The following MTARC1 variants were observed in gnomAD, a reference collection of about 807,000 sequenced individuals.
MTARC1 encodes mitochondrial amidoxime-reducing component 1.
A neutral mutation model predicts 33.6 loss-of-function variants in MTARC1; 24 were observed. The ratio of observed to expected loss-of-function variants is 0.72; its 90% CI spans 0.52 to 1.01. MTARC1 has a LOEUF of 1.01. MTARC1 is among the 50% of genes least tolerant of loss of function. The probability of loss-of-function intolerance (pLI) is 0.00; values close to 1 mark genes in which losing one functional copy is unlikely to be tolerated. For synonymous variants in MTARC1, 187 were observed against 189.5 expected (o/e 0.99, Z 0.11); for missense variants, 417 against 445.7 (o/e 0.94, Z 0.58).
At chr1:220,787,557 T>G (rs7526107) in intron 1 of MTARC1, among the ~76,000 whole-genome samples, 2,847 of 152,194 alleles carry the variant, frequency 0.019, 89 homozygotes, top group African/African-American at 0.065. Flanking sequence ...CTCCATTTAG[T>G]GGAGGCGGCT....
intron 1 of MTARC1, 131 bp downstream of exon 1, chr1:220,787,350 T>G: frequency 1.5e-6 from 2 of 1,335,604 alleles, no homozygotes; most frequent in Non-Finnish European, 1.9e-6. Context: ...AACTGGGAGT[T>G]GGGTGAGACA....
At position 220,813,419 on chromosome 1, in the gene MTARC1, T is replaced by A. The variant is rs1233361644; in HGVS notation, c.*1T>A. 4 of 1,614,040 alleles carry A rather than the reference T, an allele frequency of 2.5e-6. No homozygotes were observed. The highest frequency in any genetic ancestry group is 3.4e-6 in the Non-Finnish European group (4 of 1,180,012). On this transcript the variant is annotated 3_prime_UTR_variant, in exon 7 of 7. Transcript: ENST00000366910. ...CCCTGTGTACCTGCTGGGCCAGTAA[T>A]GGGAACCGTATGTCCTGGAATATTA...
intron 2 of MTARC1, among the ~76,000 whole-genome samples, chr1:220,795,976 C>T (rs1874123): frequency 0.02 from 3,011 of 152,232 alleles, 47 homozygotes; most frequent in East Asian, 0.06. Flanking sequence ...TACACCATAG[C>T]ATTTATTTTC....
intron 2 of MTARC1, among the ~76,000 whole-genome samples, chr1:220,793,035 G>A (rs1026151591): frequency 2.0e-5 from 3 of 152,134 alleles, no homozygotes; most frequent in East Asian, 1.9e-4. Context: ...CAGTGGTTTT[G>A]CTTGAAATAA....
At chr1:220,790,127 C>T (rs1023109998) in intron 1 of MTARC1, among the ~76,000 whole-genome samples, 5 of 152,188 alleles carry the variant, frequency 3.3e-5, no homozygotes, top group Admixed American at 1.3e-4. Flanking sequence ...TTGATTAAAG[C>T]TGCAATAAAC....
At chr1:220,808,988 AAC>A in intron 6 of MTARC1, 1 of 452,030 alleles carries the variant, frequency 2.2e-6, no homozygotes, top group Non-Finnish European at 4.5e-6. Flanking sequence ...CAAAAAAAAA[AAC>A]GTTTTGCTGG....
At chr1:220,801,319 C>T (rs1019790599) in intron 4 of MTARC1, among the ~76,000 whole-genome samples, 2 of 151,590 alleles carry the variant, frequency 1.3e-5, no homozygotes, top group Admixed American at 6.6e-5. Flanking sequence ...TCCCCTGCTG[C>T]GGGCTTCACT....
At chr1:220,803,753 T>C (rs1672885868) in intron 4 of MTARC1, among the ~76,000 whole-genome samples, 1 of 152,174 alleles carries the variant, frequency 6.6e-6, no homozygotes, top group Non-Finnish European at 1.5e-5. Context: ...AATAACTTAA[T>C]TTCCTAAGTG....
intron 6 of MTARC1, among the ~76,000 whole-genome samples, chr1:220,807,497 C>A (rs1673005631): frequency 1.3e-5 from 2 of 152,142 alleles, no homozygotes; most frequent in Admixed American, 1.3e-4. Context: ...GTAGGAGAAT[C>A]CTTTGAATCC....
rs1401367752 is a variant in MTARC1 at position 220,797,891 on chromosome 1, C to T, written c.630C>T (p.Thr210=). The change falls in exon 4 of 7, where the codon ACC becomes ACT. Residue 210 remains threonine, a synonymous_variant. Transcript: ENST00000366910. ...RPKDQIAYSD[T]SPFLILSEAS... is the part of the protein sequence containing the mutation. ...CTTATCAGATTGCTTACTCAGACACCAGCCCATTCTTGATCCTTTCTGAGG... is the reference window on the plus strand; with the variant it reads ...CTTATCAGATTGCTTACTCAGACACTAGCCCATTCTTGATCCTTTCTGAGG... 2 of 1,614,152 alleles carry T rather than the reference C, an allele frequency of 1.2e-6. No individual in the cohort carries two copies. The highest frequency in any genetic ancestry group is 1.7e-6 in the Non-Finnish European group (2 of 1,180,022).
At chr1:220,805,792 G>T (rs72472338) in intron 6 of MTARC1, among the ~76,000 whole-genome samples, 4,822 of 151,966 alleles carry the variant, frequency 0.032, 224 homozygotes, top group African/African-American at 0.11. Flanking sequence ...AATTACGTGG[G>T]GTTTATTGCA....
intron 6 of MTARC1, among the ~76,000 whole-genome samples, chr1:220,806,870 G>T (rs1296204639): frequency 6.6e-6 from 1 of 152,218 alleles, no homozygotes; most frequent in Non-Finnish European, 1.5e-5. Flanking sequence ...AAGTCAAACA[G>T]GGTGGGTGGA....
At chr1:220,798,214 A>G (rs1451935933) in intron 4 of MTARC1, 200 bp downstream of exon 4, 2 of 1,506,480 alleles carry the variant, frequency 1.3e-6, no homozygotes, top group Admixed American at 2.0e-5. Context: ...GATGGGTCAG[A>G]GACTGTCATC....
intron 6 of MTARC1, among the ~76,000 whole-genome samples, chr1:220,805,795 T>A (rs1672953319): frequency 6.6e-6 from 1 of 152,230 alleles, no homozygotes; most frequent in South Asian, 2.1e-4. Flanking sequence ...TACGTGGGGT[T>A]TATTGCACTA....
At chr1:220,796,585 A>G in intron 2 of MTARC1, 58 bp from the exon 3 acceptor site, 2 of 1,506,084 alleles carry the variant, frequency 1.3e-6, no homozygotes, top group Non-Finnish European at 8.8e-7. Context: ...GCTGGCACAT[A>G]TTAGGGTGCA....
At position 220,813,314 on chromosome 1, in the gene MTARC1, G is replaced by A. The variant is rs762850899; in HGVS notation, c.910G>A (p.Glu304Lys). 5.6e-6 allele frequency: 9 copies of A among 1,614,110 alleles called. No individual in the cohort carries two copies. Among genetic ancestry groups the A allele is most frequent in the Non-Finnish European group, 7.6e-6 (9 of 1,180,032 alleles). ...CAGTTATCGCCAGTGTGACCCTTCAGAACGAAAGTTATATGGAAAATCACC... is the reference window on the plus strand; with the variant it reads ...CAGTTATCGCCAGTGTGACCCTTCAAAACGAAAGTTATATGGAAAATCACC... ...LKSYRQCDPSERKLYGKSPLF... is the reference protein window; with the variant it reads ...LKSYRQCDPSKRKLYGKSPLF... The change falls in exon 7 of 7, where the codon GAA (glutamate) becomes AAA (lysine). Residue 304 changes from glutamate to lysine, a missense_variant. Glu to Lys is a moderately conservative substitution (Grantham distance 56). Coordinates refer to ENST00000366910, the MANE Select transcript of MTARC1 (RefSeq NM_022746.4).
chr1:220,794,678 T>A (rs1672547446), intron 2 of MTARC1, among the ~76,000 whole-genome samples: 1 of 152,170 alleles, frequency 6.6e-6, no homozygotes. Flanking sequence ...AATTTGGGTA[T>A]GTTTATTTTA....
intron 6 of MTARC1, among the ~76,000 whole-genome samples, chr1:220,811,234 G>A (rs1027228561): frequency 6.6e-6 from 1 of 152,234 alleles, no homozygotes; most frequent in African/African-American, 2.4e-5. Context: ...GGTTTGTCAG[G>A]TCCAAGGGCA....
intron 1 of MTARC1, 61 bp downstream of exon 1, chr1:220,787,280 G>C (rs1672265598): frequency 1.3e-6 from 2 of 1,490,124 alleles, no homozygotes; most frequent in African/African-American, 2.9e-5. Flanking sequence ...GGGTGAGAAG[G>C]GAGGAGCGCA....
Sources: gnomAD v4.1 joint callset for allele counts (sites outside exome capture counted in the v4.1 genomes callset) on GRCh38, gnomAD v4.1.1 for gene constraint, MANE v1.5 for transcripts, NCBI Gene and HGNC (gene_info 2026-07-23, HGNC 2026-07-21) for gene names.